The following ATP8A2 variants were observed in gnomAD, a reference collection of about 807,000 sequenced individuals.
ATP8A2 encodes phospholipid-transporting ATPase IB.
ATP8A2 carries 100 observed loss-of-function variants against 165.6 expected under a neutral mutation model. The ratio of observed to expected loss-of-function variants is 0.60; its 90% CI spans 0.51 to 0.71. The LOEUF is 0.71. Among genes scored for constraint, ATP8A2 ranks in the 30% least tolerant of loss-of-function variants. The probability of loss-of-function intolerance (pLI) is 0.00; values close to 1 mark genes in which losing one functional copy is unlikely to be tolerated. For synonymous variants in ATP8A2, 543 were observed against 548.8 expected, an observed-to-expected ratio of 0.99 and a Z score of 0.15; for missense variants, 1,227 against 1,479.5, an observed-to-expected ratio of 0.83 and a Z score of 2.80.
At chr13:25,588,957 A>G (rs1412334372) in intron 23 of ATP8A2, among the ~76,000 whole-genome samples, 1 of 152,194 alleles carries the variant, frequency 6.6e-6, no homozygotes, top group Non-Finnish European at 1.5e-5. Flanking sequence ...AAGTATGAGT[A>G]GGAAAGAGCC....
intron 25 of ATP8A2, among the ~76,000 whole-genome samples, chr13:25,749,723 A>G (rs116122460): frequency 6.6e-6 from 1 of 152,142 alleles, no homozygotes; most frequent in Non-Finnish European, 1.5e-5. Flanking sequence ...GCAGCAGCCA[A>G]CTCATGTTCC....
Position 25,392,912 on chromosome 13 carries a change from C to CAA in ATP8A2, c.76+20633_76+20634dup, listed in dbSNP as rs5802332. On this transcript the variant is annotated intron_variant, in intron 1 of 36. Transcript: ENST00000381655. ...GCAAAACAATGAAGCCTCATCTCTACAAAAAAAAAACAAAAAAGAAAAATG... is the reference window on the plus strand; with the variant it reads ...GCAAAACAATGAAGCCTCATCTCTACAAAAAAAAAAAACAAAAAAGAAAAATG... Among the ~76,000 whole-genome samples, 1,179 of 147,598 alleles carry CAA rather than the reference C, an allele frequency of 8.0e-3. 11 individuals are homozygous for CAA. The highest frequency in any genetic ancestry group is 0.015 in the Admixed American group (221 of 14,832).
chr13:25,620,664 A>G (rs2040944770), intron 24 of ATP8A2, among the ~76,000 whole-genome samples: 1 of 152,212 alleles, frequency 6.6e-6, no homozygotes, highest in African/African-American at 2.4e-5. Flanking sequence ...TGAAATAGAT[A>G]TGTTTAAAAA....
chr13:25,432,312 G>A (rs979292532), intron 1 of ATP8A2, among the ~76,000 whole-genome samples: 6 of 152,178 alleles, frequency 3.9e-5, no homozygotes, highest in Non-Finnish European at 8.8e-5. Flanking sequence ...GTGTGTCCAC[G>A]TGTTTGGGTG....
At chr13:25,919,703 C>A (rs891657156) in intron 33 of ATP8A2, among the ~76,000 whole-genome samples, 2 of 152,148 alleles carry the variant, frequency 1.3e-5, no homozygotes, top group Non-Finnish European at 2.9e-5. Flanking sequence ...CGGCAGCTGG[C>A]TTTTAATTCC....
chr13:25,989,090 T>C (rs1018732404), intron 35 of ATP8A2, among the ~76,000 whole-genome samples: 2 of 152,244 alleles, frequency 1.3e-5, no homozygotes, highest in Non-Finnish European at 2.9e-5. Flanking sequence ...AGGAGGTTAA[T>C]CGGTGGTGAA....
chr13:25,646,273 TTTC>T (rs1470239962), intron 24 of ATP8A2, among the ~76,000 whole-genome samples: 1 of 152,178 alleles, frequency 6.6e-6, no homozygotes, highest in African/African-American at 2.4e-5. Context: ...GAAATATCTT[TTTC>T]TATCTCTTCA....
intron 1 of ATP8A2, among the ~76,000 whole-genome samples, chr13:25,462,415 C>G (rs1403395413): frequency 6.6e-6 from 1 of 152,152 alleles, no homozygotes; most frequent in Non-Finnish European, 1.5e-5. Context: ...TACAGTTTTA[C>G]TACAAAGGGT....
intron 1 of ATP8A2, among the ~76,000 whole-genome samples, chr13:25,452,086 CT>C (rs1359834436): frequency 4.6e-5 from 7 of 152,126 alleles, no homozygotes; most frequent in Non-Finnish European, 1.0e-4. Context: ...ATCTCCTGAC[CT>C]TGTGATCCGC....
chr13:25,418,244 G>A (rs1189596053), intron 1 of ATP8A2, among the ~76,000 whole-genome samples: 1 of 152,084 alleles, frequency 6.6e-6, no homozygotes, highest in African/African-American at 2.4e-5. Flanking sequence ...CCGTAATAAT[G>A]CCCTTAACAT....
chr13:25,718,316 T>C (rs1443159720), intron 25 of ATP8A2, among the ~76,000 whole-genome samples: 2 of 152,234 alleles, frequency 1.3e-5, no homozygotes, highest in Non-Finnish European at 2.9e-5. Context: ...AACATCTTAA[T>C]ATCACAGAGA....
rs115159612 is a variant in ATP8A2, at chr13:25,863,921, C to T, written c.3183+1513C>T. 4.8e-3 allele frequency among the ~76,000 whole-genome samples: 729 copies of T among 152,228 alleles called. 6 individuals carry two copies. Among genetic ancestry groups the T allele is most frequent in the African/African-American group, 0.017 (693 of 41,530 alleles). On this transcript the variant is annotated intron_variant, in intron 33 of 36. Coordinates refer to ENST00000381655, the MANE Select transcript of ATP8A2 (RefSeq NM_016529.6). ...CCAGACAGTAGAGGAAATTAGAGGG[C>T]GTTCAGTGAACCCAGAAGATTGTTG...
intron 1 of ATP8A2, among the ~76,000 whole-genome samples, chr13:25,460,644 A>G (rs2035479805): frequency 6.6e-6 from 1 of 152,236 alleles, no homozygotes. Flanking sequence ...ACAGAAGCCC[A>G]GTGTATATTG....
At chr13:25,980,419 G>A (rs777983161) in intron 35 of ATP8A2, among the ~76,000 whole-genome samples, 3 of 152,112 alleles carry the variant, frequency 2.0e-5, no homozygotes, top group Non-Finnish European at 2.9e-5. Context: ...GGGAAGGAAC[G>A]TTCCAGGCAC....
chr13:25,392,299 C>T (rs2033276715), intron 1 of ATP8A2, among the ~76,000 whole-genome samples: 1 of 152,190 alleles, frequency 6.6e-6, no homozygotes, highest in Admixed American at 6.5e-5. Context: ...GATTTTGGGA[C>T]CCGAGTCATG....
intron 1 of ATP8A2, among the ~76,000 whole-genome samples, chr13:25,434,783 G>A (rs755342157): frequency 2.6e-5 from 4 of 151,786 alleles, no homozygotes; most frequent in African/African-American, 4.8e-5. Context: ...TTTCATTTTT[G>A]CACCACATGC....
At position 25,960,984 on chromosome 13, in the gene ATP8A2, G is replaced by A. The variant is rs142578895; in HGVS notation, c.3184-591G>A. Among the ~76,000 whole-genome samples, 1,230 of 152,274 alleles carry A rather than the reference G, an allele frequency of 8.1e-3. 23 individuals carry two copies. The highest frequency in any genetic ancestry group is 0.028 in the African/African-American group (1,171 of 41,544). ...ACATCTCATACTCTGTCGTCTTTAA[G>A]AAGTCTTCCCAGAAACCCCATCGTT... On this transcript the variant is annotated intron_variant, in intron 33 of 36. Coordinates refer to ENST00000381655, the MANE Select transcript of ATP8A2 (RefSeq NM_016529.6).
chr13:25,916,570 G>A (rs894952149), intron 33 of ATP8A2, among the ~76,000 whole-genome samples: 4 of 152,326 alleles, frequency 2.6e-5, no homozygotes, highest in Non-Finnish European at 5.9e-5. Context: ...AAGTTATCGC[G>A]TCGGCTGTGC....
intron 33 of ATP8A2, among the ~76,000 whole-genome samples, chr13:25,865,896 T>C (rs1374962491): frequency 6.6e-6 from 1 of 152,242 alleles, no homozygotes; most frequent in African/African-American, 2.4e-5. Context: ...TCCTCGGCTA[T>C]GGAAAATACA....
Sources: gnomAD v4.1 joint callset for allele counts (sites outside exome capture counted in the v4.1 genomes callset) on GRCh38, gnomAD v4.1.1 for gene constraint, MANE v1.5 for transcripts, NCBI Gene and HGNC (gene_info 2026-07-23, HGNC 2026-07-21) for gene names.